PCDHGB7: variants seen among roughly 807,000 people sequenced by gnomAD.
The protein encoded by PCDHGB7 is protocadherin gamma-B7.
Under a neutral mutation model 61.4 loss-of-function variants are expected in PCDHGB7, and 37 were observed. That is an observed-to-expected ratio of 0.60 (90% CI 0.46 to 0.79). The LOEUF is 0.79. PCDHGB7 is among the 30% of genes least tolerant of loss of function. The pLI, the probability that PCDHGB7 is intolerant of heterozygous loss-of-function variation, is 0.00. For missense variants in PCDHGB7, 1,166 were observed against 1,202.5 expected, an observed-to-expected ratio of 0.97 and a Z score of 0.45; for synonymous variants, 464 against 503.5, an observed-to-expected ratio of 0.92 and a Z score of 1.05.
intron 1 of PCDHGB7, among the ~76,000 whole-genome samples, chr5:141,466,351 A>G (rs897901821): frequency 6.6e-6 from 1 of 152,050 alleles, no homozygotes; most frequent in African/African-American, 2.4e-5. Context: ...TTTTGCAGCT[A>G]ATCTAGATGT....
Position 141,485,778 on chromosome 5 carries a change from G to T in PCDHGB7, c.2416-9029G>T. The T allele has an allele frequency of 6.2e-7, 1 of 1,614,216 alleles. No individual in the cohort carries two copies. Among genetic ancestry groups the T allele is most frequent in the Admixed American group, 1.7e-5 (1 of 60,028 alleles). ...CTGCTCCTGGAGAAGCCTTTGGATC[G>T]AGAGAAGCAATCGGACTACCGCCTG... is the stretch of plus-strand genomic sequence containing the variant. On this transcript the variant is annotated intron_variant, in intron 1 of 3. Coordinates refer to ENST00000398594, the MANE Select transcript of PCDHGB7 (RefSeq NM_018927.4). The surrounding 1 kb of genome is among the most constrained non-coding windows in gnomAD (Gnocchi z 5.7).
At chr5:141,505,123 C>T (rs1320836386) in intron 2 of PCDHGB7, among the ~76,000 whole-genome samples, 1 of 152,192 alleles carries the variant, frequency 6.6e-6, no homozygotes, top group African/African-American at 2.4e-5. Flanking sequence ...GATCGCGCCA[C>T]TGCACTCCAG....
intron 1 of PCDHGB7, among the ~76,000 whole-genome samples, chr5:141,450,685 C>T (rs542985781): frequency 6.6e-6 from 1 of 152,020 alleles, no homozygotes; most frequent in South Asian, 2.1e-4. Context: ...CGGGGTTTTG[C>T]CATGTTGCCC....
In PCDHGB7 at chr5:141,491,359, G is replaced by C. The variant is rs764159829; in HGVS notation, c.2416-3448G>C. 3 of 1,614,154 alleles carry C rather than the reference G, an allele frequency of 1.9e-6. No homozygotes were observed. In the East Asian group the frequency reaches 6.7e-5, roughly 36 times the overall value. On this transcript the variant is annotated intron_variant, in intron 1 of 3. Coordinates refer to ENST00000398594, the MANE Select transcript of PCDHGB7 (RefSeq NM_018927.4). This position sits in a 1 kb window ranked among gnomAD's most constrained non-coding sequence, Gnocchi z 6.9. ...AGCGACCGTCAGTCTCTTATCCCTA[G>C]TCACCTTCACCTTTCTGTCAGCGAA...
chr5:141,509,067 C>T (rs987332283), intron 3 of PCDHGB7, among the ~76,000 whole-genome samples: 1 of 152,132 alleles, frequency 6.6e-6, no homozygotes, highest in African/African-American at 2.4e-5. Flanking sequence ...CTCTCAGCTC[C>T]GGGGATTTGC....
chr5:141,478,272 A>T, intron 1 of PCDHGB7: 7 of 1,614,160 alleles, frequency 4.3e-6, no homozygotes, highest in Non-Finnish European at 5.9e-6. Context: ...AAAGTTTACA[A>T]GTGGAAGCAG....
At chr5:141,474,998 T>C (rs1029967243) in intron 1 of PCDHGB7, among the ~76,000 whole-genome samples, 1 of 152,260 alleles carries the variant, frequency 6.6e-6, no homozygotes, top group Non-Finnish European at 1.5e-5. Context: ...CAATTCTAAA[T>C]GCAGAAAAGT....
rs764337284 is a variant in PCDHGB7, at chr5:141,490,255, G to A, written c.2416-4552G>A. Reference sequence around the variant, plus strand: ...GGAGGGCCACTGTGTGATTCAAGTGGATGTGGGGGATGTCAATGACAATGC... The same window carrying A: ...GGAGGGCCACTGTGTGATTCAAGTGAATGTGGGGGATGTCAATGACAATGC... On this transcript the variant is annotated intron_variant, in intron 1 of 3. Transcript: ENST00000398594. The surrounding 1 kb of genome is among the most constrained non-coding windows in gnomAD (Gnocchi z 5.4). 6 of 1,614,118 alleles carry A rather than the reference G, an allele frequency of 3.7e-6. No individual in the cohort carries two copies. In the Admixed American group the frequency reaches 6.7e-5, roughly 18 times the overall value.
In PCDHGB7 at chr5:141,489,071, CA is replaced by C; in HGVS notation, c.2416-5735del. 3.1e-6 allele frequency: 1 copy of C among 326,700 alleles called. No homozygotes were observed. Among genetic ancestry groups the C allele is most frequent in the East Asian group, 5.9e-5 (1 of 17,012 alleles). 20.2% of individuals were successfully genotyped at this position (326,700 alleles called of 1,614,324 possible). A position where few individuals can be genotyped will look rare whatever the true frequency, so the allele number is the denominator to read the frequency against. On this transcript the variant is annotated intron_variant, in intron 1 of 3. Transcript: ENST00000398594. This position sits in a 1 kb window ranked among gnomAD's most constrained non-coding sequence, Gnocchi z 4.5. Reference sequence around the variant, plus strand: ...AAATTCAGCTCCCCTCCCCCCTGCCCACCCCCGCCACTCGGTGACTAAGAAC... The same window carrying C: ...AAATTCAGCTCCCCTCCCCCCTGCCCCCCCCGCCACTCGGTGACTAAGAAC...
intron 1 of PCDHGB7, among the ~76,000 whole-genome samples, chr5:141,438,587 C>CAT (rs1372372472): frequency 1.4e-4 from 10 of 73,396 alleles, no homozygotes; most frequent in East Asian, 3.8e-4. Context: ...TACATACATA[C>CAT]ATACATATAT....
chr5:141,510,853 CTGT>C, intron 3 of PCDHGB7, 91 bp from the exon 4 acceptor site: 3 of 1,601,238 alleles, frequency 1.9e-6, no homozygotes, highest in Middle Eastern at 1.7e-4. Context: ...GCCCAGGGTG[CTGT>C]ATAGGCATTC....
At position 141,490,356 on chromosome 5, in the gene PCDHGB7, T is replaced by C. The variant is rs771968534; in HGVS notation, c.2416-4451T>C. ...CAGTGGGCACAGTAGTGGGGTTGTT[T>C]AATGTGCGAGACCGGGACTCAGGTA... On this transcript the variant is annotated intron_variant, in intron 1 of 3. Coordinates refer to ENST00000398594, the MANE Select transcript of PCDHGB7 (RefSeq NM_018927.4). The surrounding 1 kb of genome is among the most constrained non-coding windows in gnomAD (Gnocchi z 5.4). 1.4e-5 allele frequency: 23 copies of C among 1,614,084 alleles called. No individual in the cohort carries two copies. Among genetic ancestry groups the C allele is most frequent in the Non-Finnish European group, 1.9e-5 (22 of 1,180,038 alleles).
At chr5:141,423,409 G>T (rs1168604361) in intron 1 of PCDHGB7, 1 of 1,614,148 alleles carries the variant, frequency 6.2e-7, no homozygotes, top group South Asian at 1.1e-5. Flanking sequence ...CCTGCTGCAG[G>T]CTTCTGAAGG....
chr5:141,456,746 T>C (rs548254725), intron 1 of PCDHGB7, among the ~76,000 whole-genome samples: 51 of 151,874 alleles, frequency 3.4e-4, no homozygotes, highest in African/African-American at 1.0e-3. Context: ...GGGAGCATCA[T>C]GAGGTCAGGA....
Position 141,419,522 on chromosome 5 carries a change from C to A in PCDHGB7, c.1663C>A (p.Arg555Ser). 2.5e-6 allele frequency: 4 copies of A among 1,612,178 alleles called. No individual in the cohort carries two copies. The highest frequency in any genetic ancestry group is 3.4e-6 in the Non-Finnish European group (4 of 1,179,494). The change falls in exon 1 of 4, where the codon CGT (arginine) becomes AGT (serine). Residue 555 changes from arginine (R) to serine (S), a missense_variant. Transcript: ENST00000398594. ...NVSLRVLVGD[R>S]NDNAPRVLYP... Reference sequence around the variant, plus strand: ...GAGCCTGCGCGTGTTGGTGGGCGACCGTAACGACAACGCACCGCGGGTGCT... The same window carrying A: ...GAGCCTGCGCGTGTTGGTGGGCGACAGTAACGACAACGCACCGCGGGTGCT...
chr5:141,486,598 C>T lies in PCDHGB7; in HGVS notation c.2416-8209C>T. 2 of 1,613,604 alleles carry T rather than the reference C, an allele frequency of 1.2e-6. No homozygotes were observed. Among genetic ancestry groups the T allele is most frequent in the Non-Finnish European group, 1.7e-6 (2 of 1,179,998 alleles). ...ACAATCGCCCAGGGGACCTGCTTTG[C>T]TCCCTTGCAGCCTCTGACCCAGACT... On this transcript the variant is annotated intron_variant, in intron 1 of 3. Transcript: ENST00000398594. The surrounding 1 kb of genome is among the most constrained non-coding windows in gnomAD (Gnocchi z 5.0).
At chr5:141,494,250 G>C (rs908660385) in intron 1 of PCDHGB7, among the ~76,000 whole-genome samples, 3 of 152,182 alleles carry the variant, frequency 2.0e-5, no homozygotes, top group African/African-American at 7.2e-5. Flanking sequence ...TTTAGCTGTG[G>C]GAAGAGATTC....
rs2096175848 is a variant in PCDHGB7, at chr5:141,417,872, T to G, written c.13T>G (p.Cys5Gly). ...ACCCGAGCGAACGATGGGAGGGAGC[T>G]GCGCGCAGAGGCGCCGGGCCGGCCC... MGGS[C>G]AQRRRAGPRQ... The change falls in exon 1 of 4, where the codon TGC becomes GGC. Residue 5 changes from cysteine (C) to glycine (G), a missense_variant. Cys to Gly is a radical substitution (Grantham distance 159). Coordinates refer to ENST00000398594, the MANE Select transcript of PCDHGB7 (RefSeq NM_018927.4). 3.2e-6 allele frequency: 5 copies of G among 1,555,026 alleles called. No homozygotes were observed. Among genetic ancestry groups the G allele is most frequent in the African/African-American group, 1.4e-5 (1 of 73,372 alleles).
chr5:141,427,974 G>T, intron 1 of PCDHGB7: 1 of 1,594,576 alleles, frequency 6.3e-7, no homozygotes, highest in South Asian at 1.1e-5. Flanking sequence ...GCTGTACCCC[G>T]CGCTGGGGCC....
Sources: gnomAD v4.1 joint callset for allele counts (sites outside exome capture counted in the v4.1 genomes callset) on GRCh38, gnomAD v4.1.1 for gene constraint, Gnocchi (gnomAD v3.1) non-coding constraint, MANE v1.5 for transcripts, NCBI Gene and HGNC (gene_info 2026-07-23, HGNC 2026-07-21) for gene names.